The following CDYL2 variants were observed in gnomAD, a reference collection of about 807,000 sequenced individuals.
CDYL2 encodes chromodomain Y-like protein 2.
In CDYL2, 23 loss-of-function variants were observed where a neutral mutation model predicts 49.4. That is an observed-to-expected ratio of 0.47 (90% CI 0.34 to 0.66). The LOEUF is 0.66. Ranked by LOEUF, CDYL2 falls within the 30% of genes least tolerant of loss-of-function variation. The pLI, the probability that CDYL2 is intolerant of heterozygous loss-of-function variation, is 0.01. For missense variants in CDYL2, 678 were observed against 656.4 expected (o/e 1.03, Z -0.36); for synonymous variants, 360 against 268.8 (o/e 1.34, Z -3.32).
chr16:80,706,772 C>G (rs1717233858), intron 1 of CDYL2, among the ~76,000 whole-genome samples: 1 of 152,188 alleles, frequency 6.6e-6, no homozygotes, highest in African/African-American at 2.4e-5. Flanking sequence ...GGACTGCTGC[C>G]TCCCAGTCTA....
At chr16:80,672,066 C>T (rs1909533367) in intron 2 of CDYL2, among the ~76,000 whole-genome samples, 1 of 152,088 alleles carries the variant, frequency 6.6e-6, no homozygotes, top group African/African-American at 2.4e-5. Flanking sequence ...GTTAAGCACC[C>T]CTAATCTGAT....
intron 1 of CDYL2, among the ~76,000 whole-genome samples, chr16:80,718,105 G>C (rs537117900): frequency 3.3e-5 from 5 of 152,292 alleles, no homozygotes; most frequent in Admixed American, 1.3e-4. Flanking sequence ...GGTTAAATCA[G>C]AGTCCAAAGG....
At chr16:80,677,746 T>C (rs9673856) in intron 2 of CDYL2, among the ~76,000 whole-genome samples, 1 of 144,748 alleles carries the variant, frequency 6.9e-6, no homozygotes, top group East Asian at 2.0e-4. Context: ...CTCAAAAAAA[T>C]AAAAATAAAA....
intron 6 of CDYL2, among the ~76,000 whole-genome samples, chr16:80,607,756 G>A (rs6420416): frequency 1.3e-5 from 2 of 151,690 alleles, no homozygotes; most frequent in African/African-American, 4.9e-5. Context: ...TATCCTTATT[G>A]GCCGCTGCTT....
chr16:80,754,977 G>A (rs1433071218), intron 1 of CDYL2, among the ~76,000 whole-genome samples: 1 of 152,096 alleles, frequency 6.6e-6, no homozygotes, highest in Non-Finnish European at 1.5e-5. Flanking sequence ...AACTTGGGCA[G>A]TCACCCACCA....
chr16:80,717,859 G>C lies in CDYL2; in HGVS notation c.25-32730C>G, dbSNP rs28507789. Among the ~76,000 whole-genome samples, 647 of 152,336 alleles carry C rather than the reference G, an allele frequency of 4.2e-3. 5 individuals carry two copies. Among genetic ancestry groups the C allele is most frequent in the African/African-American group, 0.015 (623 of 41,580 alleles). On this transcript the variant is annotated intron_variant, in intron 1 of 6. Coordinates refer to ENST00000570137, the MANE Select transcript of CDYL2 (RefSeq NM_152342.4). ...TCCCTGGCATGCAAAATGTGACAAA[G>C]TTCCTAGAACAGTTATCCCACATGG... is the stretch of plus-strand genomic sequence containing the variant.
At chr16:80,725,953 C>G (rs2142532082) in intron 1 of CDYL2, among the ~76,000 whole-genome samples, 1 of 152,302 alleles carries the variant, frequency 6.6e-6, no homozygotes, top group East Asian at 1.9e-4. Flanking sequence ...GACACTTAGT[C>G]ACTCACCTGC....
chr16:80,664,638 T>C (rs1255521675), intron 2 of CDYL2, among the ~76,000 whole-genome samples: 1 of 152,154 alleles, frequency 6.6e-6, no homozygotes, highest in East Asian at 1.9e-4. Context: ...TTTTTTAAAG[T>C]TTTCCAAATA....
At chr16:80,669,617 CA>C (rs1281103151) in intron 2 of CDYL2, among the ~76,000 whole-genome samples, 1 of 152,146 alleles carries the variant, frequency 6.6e-6, no homozygotes, top group African/African-American at 2.4e-5. Flanking sequence ...GGAGCTAGGA[CA>C]TCGAGAGAGG....
chr16:80,610,360 G>A (rs534198789), intron 5 of CDYL2, among the ~76,000 whole-genome samples: 10 of 152,336 alleles, frequency 6.6e-5, no homozygotes, highest in African/African-American at 1.9e-4. Flanking sequence ...GAGCATGAGA[G>A]TAATGTCAAA....
At chr16:80,713,960 C>T (rs1015936800) in intron 1 of CDYL2, among the ~76,000 whole-genome samples, 2 of 152,136 alleles carry the variant, frequency 1.3e-5, no homozygotes, top group Non-Finnish European at 2.9e-5. Context: ...TGCTTCCAGA[C>T]GGGTCAGCTG....
chr16:80,798,644 G>C (rs192757662), intron 1 of CDYL2, among the ~76,000 whole-genome samples: 1 of 152,178 alleles, frequency 6.6e-6, no homozygotes, highest in East Asian at 1.9e-4. Context: ...AAGACTTCCA[G>C]TCAACAGTAT....
At chr16:80,778,861 C>T (rs1323177401) in intron 1 of CDYL2, among the ~76,000 whole-genome samples, 2 of 151,996 alleles carry the variant, frequency 1.3e-5, no homozygotes, top group East Asian at 1.9e-4. Flanking sequence ...AATGACAAAT[C>T]GGACATTTCA....
At chr16:80,778,822 AACTCATATTAATAT>A (rs1907173800) in intron 1 of CDYL2, among the ~76,000 whole-genome samples, 1 of 152,114 alleles carries the variant, frequency 6.6e-6, no homozygotes, top group African/African-American at 2.4e-5. Context: ...CCTGGAAACA[AACTCATATTAATAT>A]GTTACAATTT....
intron 1 of CDYL2, among the ~76,000 whole-genome samples, chr16:80,733,060 T>C (rs1041407911): frequency 6.6e-6 from 1 of 152,078 alleles, no homozygotes; most frequent in Admixed American, 6.6e-5. Flanking sequence ...AACAAGCCAA[T>C]GTAGCCTATA....
At chr16:80,726,033 T>C (rs1905152424) in intron 1 of CDYL2, among the ~76,000 whole-genome samples, 1 of 152,154 alleles carries the variant, frequency 6.6e-6, no homozygotes, top group Non-Finnish European at 1.5e-5. Context: ...TATGTCTGAG[T>C]CACAAAAAGA....
intron 1 of CDYL2, among the ~76,000 whole-genome samples, chr16:80,791,007 G>T (rs1907592271): frequency 6.6e-6 from 1 of 152,194 alleles, no homozygotes; most frequent in Non-Finnish European, 1.5e-5. Context: ...CAGAGTATAT[G>T]AGGCCCTCAC....
intron 1 of CDYL2, among the ~76,000 whole-genome samples, chr16:80,797,451 A>C (rs1304405874): frequency 6.6e-6 from 1 of 152,228 alleles, no homozygotes; most frequent in Non-Finnish European, 1.5e-5. Context: ...TTTCAGCTAC[A>C]TGTGACCACA....
At chr16:80,796,871 C>T (rs1394766672) in intron 1 of CDYL2, among the ~76,000 whole-genome samples, 1 of 152,200 alleles carries the variant, frequency 6.6e-6, no homozygotes, top group African/African-American at 2.4e-5. Flanking sequence ...GACCCACCAA[C>T]ACACTCTATG....
Sources: gnomAD v4.1 joint callset for allele counts (sites outside exome capture counted in the v4.1 genomes callset) on GRCh38, gnomAD v4.1.1 for gene constraint, MANE v1.5 for transcripts, NCBI Gene and HGNC (gene_info 2026-07-23, HGNC 2026-07-21) for gene names.